The following SMG1 variants were observed in gnomAD, a reference collection of about 807,000 sequenced individuals.
SMG1 encodes SMG1 nonsense mediated mRNA decay associated PI3K related kinase.
Under a neutral mutation model 419.9 loss-of-function variants are expected in SMG1, and 22 were observed. The observed-to-expected ratio is 0.05, with a 90% CI of 0.04 to 0.07. The LOEUF (loss-of-function observed/expected upper bound fraction) is 0.07. SMG1 is among the 10% of genes least tolerant of loss of function. SMG1 has a pLI of 1.00. For synonymous variants in SMG1, 1,538 were observed against 1,553.5 expected, an observed-to-expected ratio of 0.99 and a Z score of 0.23; for missense variants, 3,185 against 4,342.0, an observed-to-expected ratio of 0.73 and a Z score of 7.49.
At chr16:18,866,118 G>A (rs1055144472) in intron 23 of SMG1, 8 of 164,596 alleles carry the variant, frequency 4.9e-5, no homozygotes, top group African/African-American at 1.9e-4. Flanking sequence ...AACTACAAAA[G>A]GACACACAAC....
intron 26 of SMG1, among the ~76,000 whole-genome samples, chr16:18,860,167 G>A (rs1489210553): frequency 2.0e-5 from 3 of 152,192 alleles, no homozygotes; most frequent in Admixed American, 1.3e-4. Context: ...GCAGTGAGCC[G>A]AGATTGCGCC....
Position 18,835,000 on chromosome 16 carries a change from T to C in SMG1, c.8222A>G (p.Gln2741Arg). The change falls in exon 49 of 63, where the codon CAG becomes CGG. Residue 2741 changes from glutamine to arginine, a missense_variant. By Grantham distance (43) the Gln-to-Arg change is conservative (BLOSUM62 1). Around this residue, in one of 27 missense-constraint regions of SMG1, gnomAD observed 412 missense variants for 546.6 expected, o/e 0.75. Transcript: ENST00000446231. ...EAVTVPVCED[Q>R]LKEIERCIKV... ...AATGCAACGTTCAATTTCTTTCAAC[T>C]GATCTTCACAAACTGGCACAGTGAC... 1 of 1,614,042 alleles carries C rather than the reference T, an allele frequency of 6.2e-7. No individual in the cohort carries two copies. Among genetic ancestry groups the C allele is most frequent in the Non-Finnish European group, 8.5e-7 (1 of 1,179,900 alleles).
chr16:18,860,647 A>C lies in SMG1; in HGVS notation c.3805+20T>G. 2 of 1,157,930 alleles carry C rather than the reference A, an allele frequency of 1.7e-6. No homozygotes were observed. The highest frequency in any genetic ancestry group is 1.3e-6 in the Non-Finnish European group (1 of 799,306). The allele number at this position is 1,157,930 out of a possible 1,614,324, so 71.7% of individuals were successfully genotyped here. A position where few individuals can be genotyped will look rare whatever the true frequency, so the allele number is the denominator to read the frequency against. ...GCAACTTGTCCACTAAAATAACTTTAAAACTATTTTCTCAAATACCTATTT... is the reference window on the plus strand; with the variant it reads ...GCAACTTGTCCACTAAAATAACTTTCAAACTATTTTCTCAAATACCTATTT... On this transcript the variant is annotated intron_variant, in intron 26 of 62. Transcript: ENST00000446231.
At chr16:18,882,574 A>C (rs769261547) in intron 9 of SMG1, among the ~76,000 whole-genome samples, 4 of 152,226 alleles carry the variant, frequency 2.6e-5, no homozygotes, top group Non-Finnish European at 5.9e-5. Flanking sequence ...TAATCTCTTA[A>C]ATCAACTCAG....
intron 58 of SMG1, chr16:18,815,877 T>C (rs1263960986): frequency 7.6e-6 from 4 of 525,150 alleles, no homozygotes; most frequent in East Asian, 3.3e-5. Context: ...GATGAAGTAA[T>C]AGCCTTTTCT....
At chr16:18,892,550 CCT>C in intron 3 of SMG1, among the ~76,000 whole-genome samples, 196 bp from the exon 4 acceptor site, 1 of 152,190 alleles carries the variant, frequency 6.6e-6, no homozygotes, top group East Asian at 1.9e-4. Flanking sequence ...ATGGTGAAAC[CCT>C]GTCTCCACAG....
At chr16:18,920,646 G>A (rs531954920) in intron 1 of SMG1, among the ~76,000 whole-genome samples, 1 of 151,498 alleles carries the variant, frequency 6.6e-6, no homozygotes, top group Non-Finnish European at 1.5e-5. Flanking sequence ...ACCAGCCCAG[G>A]CAGCATGGCA....
chr16:18,894,482 T>C (rs1189012405), intron 3 of SMG1, among the ~76,000 whole-genome samples: 2 of 152,134 alleles, frequency 1.3e-5, no homozygotes, highest in Non-Finnish European at 2.9e-5. Flanking sequence ...TGAACTACTT[T>C]AGAGTCGCTG....
intron 13 of SMG1, among the ~76,000 whole-genome samples, chr16:18,873,754 G>T (rs2035953376): frequency 6.6e-6 from 1 of 152,192 alleles, no homozygotes; most frequent in East Asian, 1.9e-4. Flanking sequence ...CAAATGGCAA[G>T]GTGCCCTGTT....
Position 18,838,163 on chromosome 16 carries a change from G to A in SMG1, c.7264C>T (p.Leu2422=), listed in dbSNP as rs756569379. The change falls in exon 45 of 63, where the codon CTG becomes TTG. Residue 2422 remains leucine (L), a synonymous_variant. Coordinates refer to ENST00000446231, the MANE Select transcript of SMG1 (RefSeq NM_015092.5). ...TLLEAFVYDP[L]VDWTAGGEAG... ...TCGCCTCCTGCTGTCCAGTCCACCAGAGGGTCGTACACAAAGGCCTCCAGC... is the reference window on the plus strand; with the variant it reads ...TCGCCTCCTGCTGTCCAGTCCACCAAAGGGTCGTACACAAAGGCCTCCAGC... 6.2e-7 allele frequency: 1 copy of A among 1,613,520 alleles called. No homozygotes were observed. Among genetic ancestry groups the A allele is most frequent in the Non-Finnish European group, 8.5e-7 (1 of 1,179,668 alleles).
At chr16:18,881,611 G>T (rs561710743) in intron 10 of SMG1, among the ~76,000 whole-genome samples, 2 of 152,230 alleles carry the variant, frequency 1.3e-5, no homozygotes, top group African/African-American at 4.8e-5. Flanking sequence ...TTCATTTCTT[G>T]TGTCTTTTCC....
chr16:18,848,679 T>G (rs2034407650), intron 36 of SMG1, among the ~76,000 whole-genome samples: 1 of 152,112 alleles, frequency 6.6e-6, no homozygotes, highest in Admixed American at 6.6e-5. Flanking sequence ...TCTCCACGTC[T>G]TGGTGGATTA....
chr16:18,895,962 T>C, intron 3 of SMG1, 90 bp downstream of exon 3: 2 of 1,148,118 alleles, frequency 1.7e-6, no homozygotes, highest in Non-Finnish European at 2.6e-6. Context: ...CTTATGCCTG[T>C]GCAAGGCGTT....
chr16:18,892,643 G>C lies in SMG1; in HGVS notation c.413-289C>G, dbSNP rs540580701. 3.3e-5 allele frequency among the ~76,000 whole-genome samples: 5 copies of C among 152,178 alleles called. No homozygotes were observed. The South Asian group carries it at 1.0e-3, about 32-fold the overall frequency. ...AGCTACTCGGGAGGCTGAGGCAGGA[G>C]AATCACTGGAGCCCGTGAGGCGGAG... On this transcript the variant is annotated intron_variant, in intron 3 of 62. Transcript: ENST00000446231.
In SMG1 at chr16:18,829,312, C is replaced by T; in HGVS notation, c.9577G>A (p.Val3193Ile). The T allele has an allele frequency of 1.2e-6, 2 of 1,613,358 alleles. No homozygotes were observed. Among genetic ancestry groups the T allele is most frequent in the Admixed American group, 3.3e-5 (2 of 60,008 alleles). ...ISSCKTSLQR[V>I]QLHIAMFQWQ... Reference sequence around the variant, plus strand: ...TGAAACATGGCAATATGCAGCTGAACCCGCTGCAGGCTTGTCTTACAAGAA... The same window carrying T: ...TGAAACATGGCAATATGCAGCTGAATCCGCTGCAGGCTTGTCTTACAAGAA... Residue 3193 changes from valine to isoleucine, a missense_variant, in exon 54 of 63, where the codon GTT (valine) becomes ATT (isoleucine). Around this residue, in one of 27 missense-constraint regions of SMG1, gnomAD observed 737 missense variants for 846.6 expected, o/e 0.87. Coordinates refer to ENST00000446231, the MANE Select transcript of SMG1 (RefSeq NM_015092.5).
intron 10 of SMG1, among the ~76,000 whole-genome samples, chr16:18,880,452 T>C (rs1447657913): frequency 2.0e-5 from 3 of 152,188 alleles, no homozygotes; most frequent in Non-Finnish European, 4.4e-5. Flanking sequence ...GTGACTCATA[T>C]CTATCATCCT....
At chr16:18,912,819 G>T (rs901797360) in intron 1 of SMG1, among the ~76,000 whole-genome samples, 1 of 151,960 alleles carries the variant, frequency 6.6e-6, no homozygotes, top group Admixed American at 6.6e-5. Flanking sequence ...TATAAACTAC[G>T]ACTTCAGGTT....
chr16:18,905,014 C>T (rs1038242885), intron 1 of SMG1, among the ~76,000 whole-genome samples: 1 of 152,082 alleles, frequency 6.6e-6, no homozygotes, highest in Admixed American at 6.6e-5. Context: ...GTAATCCCAG[C>T]ACTTTGGGAG....
intron 1 of SMG1, among the ~76,000 whole-genome samples, chr16:18,905,491 T>C (rs2037524132): frequency 6.6e-6 from 1 of 152,176 alleles, no homozygotes; most frequent in Admixed American, 6.6e-5. Flanking sequence ...CCCATGAGAC[T>C]TTTTCAGTTC....
Sources: allele counts gnomAD v4.1 joint callset (sites outside exome capture counted in the v4.1 genomes callset), GRCh38; gene constraint gnomAD v4.1.1; regional missense constraint gnomAD v4.1.1; transcripts MANE v1.5; gene names NCBI Gene and HGNC (gene_info 2026-07-23, HGNC 2026-07-21).